The following ADK variants were observed in gnomAD, a reference collection of about 807,000 sequenced individuals.
ADK encodes adenosine kinase.
A neutral mutation model predicts 44.7 loss-of-function variants in ADK; 24 were observed. That is an observed-to-expected ratio of 0.54 (90% confidence interval 0.39 to 0.76). The LOEUF (loss-of-function observed/expected upper bound fraction) is 0.76. Among genes scored for constraint, ADK ranks in the 30% least tolerant of loss-of-function variants. ADK has a pLI of 0.00. For missense variants in ADK, 321 were observed against 425.1 expected, an observed-to-expected ratio of 0.76 and a Z score of 2.15; for synonymous variants, 128 against 142.6, an observed-to-expected ratio of 0.90 and a Z score of 0.73.
chr10:74,597,213 CT>C (rs1851955392), intron 8 of ADK, among the ~76,000 whole-genome samples: 1 of 152,114 alleles, frequency 6.6e-6, no homozygotes, highest in South Asian at 2.1e-4. Context: ...AGCTATTTCA[CT>C]TACCTCATCT....
At chr10:74,695,525 T>C (rs1001601294) in intron 10 of ADK, among the ~76,000 whole-genome samples, 1 of 151,094 alleles carries the variant, frequency 6.6e-6, no homozygotes, top group Non-Finnish European at 1.5e-5. Context: ...TATATGTATA[T>C]GTATATATGT....
At chr10:74,579,959 A>G (rs1298538450) in intron 7 of ADK, among the ~76,000 whole-genome samples, 1 of 152,230 alleles carries the variant, frequency 6.6e-6, no homozygotes, top group Non-Finnish European at 1.5e-5. Context: ...ATATTACATC[A>G]GTTGGGGACA....
chr10:74,215,687 A>G (rs1033466059), intron 2 of ADK, among the ~76,000 whole-genome samples: 3 of 138,426 alleles, frequency 2.2e-5, no homozygotes, highest in Non-Finnish European at 4.7e-5. Context: ...TTTTTTTAAG[A>G]CAGAGTCTTG....
intron 6 of ADK, among the ~76,000 whole-genome samples, chr10:74,409,364 T>G (rs1592168672): frequency 6.6e-6 from 1 of 152,180 alleles, no homozygotes; most frequent in East Asian, 1.9e-4. Flanking sequence ...TAACAAACTT[T>G]CAGTACCTTG....
chr10:74,447,623 G>A (rs977486839), intron 6 of ADK, among the ~76,000 whole-genome samples: 1 of 152,120 alleles, frequency 6.6e-6, no homozygotes, highest in African/African-American at 2.4e-5. Flanking sequence ...CCAGGGTACT[G>A]AGTTAAGATA....
intron 4 of ADK, among the ~76,000 whole-genome samples, chr10:74,319,304 C>T (rs1266798952): frequency 6.6e-6 from 1 of 152,190 alleles, no homozygotes; most frequent in African/African-American, 2.4e-5. Context: ...TTTATTTTCT[C>T]ACAGTGTTGG....
intron 7 of ADK, among the ~76,000 whole-genome samples, chr10:74,531,491 A>G (rs1849290797): frequency 6.6e-6 from 1 of 152,114 alleles, no homozygotes; most frequent in Non-Finnish European, 1.5e-5. Context: ...CTACAAAGAA[A>G]CTTCAAAGGC....
At chr10:74,221,123 A>G (rs889683191) in intron 2 of ADK, among the ~76,000 whole-genome samples, 1 of 149,462 alleles carries the variant, frequency 6.7e-6, no homozygotes, top group Non-Finnish European at 1.5e-5. Flanking sequence ...AGAAAACCCC[A>G]TTGTCTCAGC....
intron 3 of ADK, 27 bp from the exon 4 acceptor site, chr10:74,314,640 C>A (rs1225132802): frequency 1.3e-6 from 2 of 1,564,360 alleles, no homozygotes; most frequent in African/African-American, 1.4e-5. Context: ...AGGTAACTTA[C>A]TTTTTTCTAC....
chr10:74,592,281 C>G (rs1851751990), intron 8 of ADK, among the ~76,000 whole-genome samples: 3 of 152,032 alleles, frequency 2.0e-5, no homozygotes. Flanking sequence ...TCTAGAAAAT[C>G]AGTTCAGACT....
At chr10:74,173,399 T>G (rs996822419) in intron 1 of ADK, among the ~76,000 whole-genome samples, 1 of 151,472 alleles carries the variant, frequency 6.6e-6, no homozygotes, top group East Asian at 1.9e-4. Context: ...GGCTAGGTTT[T>G]TTCAAATTGA....
intron 3 of ADK, among the ~76,000 whole-genome samples, chr10:74,235,283 A>C (rs1844917474): frequency 6.6e-6 from 1 of 152,134 alleles, no homozygotes; most frequent in African/African-American, 2.4e-5. Context: ...CCAGAAATTT[A>C]GTGGAGAATT....
intron 9 of ADK, among the ~76,000 whole-genome samples, chr10:74,635,034 C>G (rs1853578072): frequency 1.3e-5 from 2 of 152,068 alleles, no homozygotes; most frequent in South Asian, 4.1e-4. Context: ...ATTGGAGTCT[C>G]AAAAGGAAAG....
At chr10:74,685,673 A>G (rs902694744) in intron 10 of ADK, among the ~76,000 whole-genome samples, 1 of 152,218 alleles carries the variant, frequency 6.6e-6, no homozygotes, top group Non-Finnish European at 1.5e-5. Context: ...ATTTATGATT[A>G]TATCATTTTT....
chr10:74,657,572 G>A (rs1854532915), intron 9 of ADK, among the ~76,000 whole-genome samples: 1 of 152,158 alleles, frequency 6.6e-6, no homozygotes, highest in Non-Finnish European at 1.5e-5. Flanking sequence ...AGATCAGCCA[G>A]AAAATGTATA....
At chr10:74,177,762 T>A (rs7089391) in intron 1 of ADK, among the ~76,000 whole-genome samples, 76,951 of 151,546 alleles carry the variant, frequency 0.51, 20,570 homozygotes, top group Non-Finnish European at 0.6. Context: ...AAGCTCATTT[T>A]TGGTCTATGA....
intron 6 of ADK, among the ~76,000 whole-genome samples, chr10:74,495,437 T>C (rs1000861442): frequency 2.0e-5 from 3 of 152,188 alleles, no homozygotes; most frequent in African/African-American, 7.2e-5. Context: ...CCTTAGGGTA[T>C]TTGAGTAAAA....
intron 6 of ADK, among the ~76,000 whole-genome samples, chr10:74,473,759 C>T (rs1054729289): frequency 1.3e-5 from 2 of 152,140 alleles, no homozygotes; most frequent in Non-Finnish European, 2.9e-5. Context: ...TTGGGTTTCT[C>T]CATTGTCTAT....
At chr10:74,341,950 T>A (rs1185539060) in intron 4 of ADK, among the ~76,000 whole-genome samples, 2 of 152,180 alleles carry the variant, frequency 1.3e-5, no homozygotes, top group African/African-American at 4.8e-5. Context: ...TCTTGGTACC[T>A]TTCTGTGAGT....
Sources: allele counts gnomAD v4.1 joint callset (sites outside exome capture counted in the v4.1 genomes callset), GRCh38; gene constraint gnomAD v4.1.1; transcripts MANE v1.5; gene names NCBI Gene and HGNC (gene_info 2026-07-23, HGNC 2026-07-21).